The following ABCA12 variants were observed in gnomAD, a reference collection of about 807,000 sequenced individuals.
The protein encoded by ABCA12 is ATP binding cassette subfamily A member 12, also known as glucosylceramide transporter ABCA12.
Under a neutral mutation model 293.5 loss-of-function variants are expected in ABCA12, and 156 were observed. The ratio of observed to expected loss-of-function variants is 0.53; its 90% confidence interval spans 0.47 to 0.61. The LOEUF (loss-of-function observed/expected upper bound fraction) is 0.61, where lower values mean the gene tolerates loss of function less well. Among genes scored for constraint, ABCA12 ranks in the 20% least tolerant of loss-of-function variants. ABCA12 has a pLI of 0.00. For missense variants in ABCA12, 2,797 were observed against 3,090.2 expected (o/e 0.91, Z 2.25); for synonymous variants, 1,063 against 1,108.0 (o/e 0.96, Z 0.81).
chr2:215,074,886 G>A (rs1258069608), intron 2 of ABCA12, among the ~76,000 whole-genome samples: 1 of 151,966 alleles, frequency 6.6e-6, no homozygotes, highest in African/African-American at 2.4e-5. Context: ...GGGTTGCAGT[G>A]AGCCGAGATC....
intron 2 of ABCA12, among the ~76,000 whole-genome samples, chr2:215,086,334 C>A (rs1193903602): frequency 6.6e-6 from 1 of 152,126 alleles, no homozygotes; most frequent in Non-Finnish European, 1.5e-5. Flanking sequence ...ATACACAGAC[C>A]AGGGATACTT....
At chr2:215,064,738 T>C (rs939083588) in intron 2 of ABCA12, among the ~76,000 whole-genome samples, 3 of 148,728 alleles carry the variant, frequency 2.0e-5, no homozygotes, top group African/African-American at 7.4e-5. Context: ...CACACAAACA[T>C]GTACTAAAAA....
rs147092914 is a variant in ABCA12 at position 215,016,701 on chromosome 2, T to G, written c.1783-1038A>C. Among the ~76,000 whole-genome samples, 122 of 147,854 alleles carry G rather than the reference T, an allele frequency of 8.3e-4. 1 individual carries two copies. Among genetic ancestry groups the G allele is most frequent in the African/African-American group, 3.0e-3 (120 of 40,304 alleles). On this transcript the variant is annotated intron_variant, in intron 14 of 52. Transcript: ENST00000272895. ...CATTCAAAATTAAAATCTTAGGCAATATACTCTGTGGGTCCAGAGATGTAA... is the reference window on the plus strand; with the variant it reads ...CATTCAAAATTAAAATCTTAGGCAAGATACTCTGTGGGTCCAGAGATGTAA...
chr2:215,050,822 C>A (rs1380704080), intron 5 of ABCA12: 2 of 985,110 alleles, frequency 2.0e-6, no homozygotes, highest in Non-Finnish European at 2.4e-6. Flanking sequence ...CTCATTCTTG[C>A]AAGTGTTGCA....
intron 2 of ABCA12, among the ~76,000 whole-genome samples, chr2:215,108,661 C>A (rs555007512): frequency 6.6e-6 from 1 of 152,198 alleles, no homozygotes; most frequent in African/African-American, 2.4e-5. Context: ...CAATTCTAAT[C>A]TTTCAGCATA....
At chr2:215,008,441 C>T (rs1190840328) in intron 18 of ABCA12, among the ~76,000 whole-genome samples, 1 of 151,694 alleles carries the variant, frequency 6.6e-6, no homozygotes, top group Non-Finnish European at 1.5e-5. Flanking sequence ...AATTAATGCC[C>T]AACACCTGAT....
At chr2:214,943,063 C>T (rs1297170167) in intron 49 of ABCA12, 46 bp from the exon 50 acceptor site, 1 of 1,526,280 alleles carries the variant, frequency 6.6e-7, no homozygotes, top group Non-Finnish European at 9.1e-7. Context: ...ATACAGAAAA[C>T]TTGGGTTGAA....
At chr2:214,942,836 T>C in intron 50 of ABCA12, 89 bp downstream of exon 50, 1 of 1,127,450 alleles carries the variant, frequency 8.9e-7, no homozygotes, top group Admixed American at 1.9e-5. Flanking sequence ...TTTTACTACT[T>C]AGGCTGCTGA....
intron 7 of ABCA12, among the ~76,000 whole-genome samples, chr2:215,037,398 C>T (rs1178750368): frequency 1.3e-5 from 2 of 151,970 alleles, no homozygotes; most frequent in Non-Finnish European, 2.9e-5. Flanking sequence ...AAGAATACAT[C>T]TTTTTTTAGC....
chr2:214,958,983 A>G, intron 40 of ABCA12, 41 bp downstream of exon 40: 1 of 1,578,914 alleles, frequency 6.3e-7, no homozygotes, highest in Non-Finnish European at 8.7e-7. Context: ...AGGCTCAGCT[A>G]TGTCAAGGAG....
intron 52 of ABCA12, among the ~76,000 whole-genome samples, chr2:214,933,232 G>A (rs932482829): frequency 6.6e-6 from 1 of 152,138 alleles, no homozygotes; most frequent in Non-Finnish European, 1.5e-5. Flanking sequence ...TTACTTAACA[G>A]GCAGATCTTT....
At chr2:215,109,905 C>T (rs1702536256) in intron 2 of ABCA12, among the ~76,000 whole-genome samples, 1 of 152,182 alleles carries the variant, frequency 6.6e-6, no homozygotes, top group Admixed American at 6.6e-5. Flanking sequence ...ATCCTCCCAT[C>T]ACTATTGTTA....
chr2:215,007,921 G>T lies in ABCA12; in HGVS notation c.2473-75C>A, dbSNP rs962637796. ...TATTTTAACAAGGTATCTTAAGATT[G>T]TTTTGTTACGTAACTTCAAAAGACA... On this transcript the variant is annotated intron_variant, in intron 18 of 52. Coordinates refer to ENST00000272895, the MANE Select transcript of ABCA12 (RefSeq NM_173076.3). 5.7e-6 allele frequency: 9 copies of T among 1,572,690 alleles called. No homozygotes were observed. In the East Asian group the frequency reaches 2.0e-4, roughly 36 times the overall value.
At chr2:215,014,290 T>C (rs747101128) in intron 15 of ABCA12, among the ~76,000 whole-genome samples, 10 of 151,882 alleles carry the variant, frequency 6.6e-5, no homozygotes, top group African/African-American at 9.7e-5. Context: ...GTAGGTAGCA[T>C]TGGTTGCATT....
intron 13 of ABCA12, 40 bp from the exon 14 acceptor site, chr2:215,018,172 T>A: frequency 6.3e-7 from 1 of 1,595,512 alleles, no homozygotes; most frequent in Non-Finnish European, 8.5e-7. Flanking sequence ...CCATGTTGGT[T>A]TGTCAGGTCA....
chr2:215,014,473 A>G (rs1338324724), intron 15 of ABCA12, among the ~76,000 whole-genome samples: 1 of 152,186 alleles, frequency 6.6e-6, no homozygotes, highest in South Asian at 2.1e-4. Context: ...TTTAGTGATG[A>G]GGAATCATTG....
At position 215,066,874 on chromosome 2, in the gene ABCA12, A is replaced by G. The variant is rs569683556; in HGVS notation, c.164-2655T>C. On this transcript the variant is annotated intron_variant, in intron 2 of 52. Coordinates refer to ENST00000272895, the MANE Select transcript of ABCA12 (RefSeq NM_173076.3). ...TGTAAGGGTGCCTGTTGCAACAACAATAACAACAGTGATTTATTAAGTATC... is the reference window on the plus strand; with the variant it reads ...TGTAAGGGTGCCTGTTGCAACAACAGTAACAACAGTGATTTATTAAGTATC... Among the ~76,000 whole-genome samples, 10 of 152,220 alleles carry G rather than the reference A, an allele frequency of 6.6e-5. No individual in the cohort carries two copies. The South Asian group carries it at 1.5e-3, about 22-fold the overall frequency.
Position 215,011,497 on chromosome 2 carries a change from C to G in ABCA12, c.2274G>C (p.Leu758Phe), listed in dbSNP as rs1211645064. Residue 758 changes from leucine to phenylalanine, a missense_variant, in exon 17 of 53, where the codon TTG becomes TTC. Coordinates refer to ENST00000272895, the MANE Select transcript of ABCA12 (RefSeq NM_173076.3). ...RPKGNHTKDF[L>F]TYKLTKEQIA... ...TTTGCTCTTTAGTTAATTTATAAGT[C>G]AAAAAATCCTTGGTGTGGTTGCCTT... The G allele has an allele frequency of 6.2e-7, 1 of 1,613,858 alleles. No homozygotes were observed. The highest frequency in any genetic ancestry group is 1.7e-5 in the Admixed American group (1 of 59,996).
intron 51 of ABCA12, 30 bp downstream of exon 51, chr2:214,937,480 G>GTA (rs1559100165): frequency 6.4e-7 from 1 of 1,565,786 alleles, no homozygotes; most frequent in African/African-American, 1.4e-5. Context: ...TTACAGGCGT[G>GTA]AGCCACTGCA....
Sources: allele counts gnomAD v4.1 joint callset (sites outside exome capture counted in the v4.1 genomes callset), GRCh38; gene constraint gnomAD v4.1.1; transcripts MANE v1.5; gene names NCBI Gene and HGNC (gene_info 2026-07-23, HGNC 2026-07-21).